CNBD1: variants seen among roughly 807,000 people sequenced by gnomAD.
CNBD1 encodes cyclic nucleotide-binding domain-containing protein 1.
Under a neutral mutation model 54.4 loss-of-function variants are expected in CNBD1, and 71 were observed. That is an observed-to-expected ratio of 1.30 (90% CI 1.08 to 1.59). CNBD1 has a LOEUF of 1.59. Among genes scored for constraint, CNBD1 ranks in the 40% most tolerant of loss-of-function variants. The pLI, the probability that CNBD1 is intolerant of heterozygous loss-of-function variation, is 0.00. For synonymous variants in CNBD1, 182 were observed against 170.7 expected, an observed-to-expected ratio of 1.07 and a Z score of -0.51; for missense variants, 659 against 518.0, an observed-to-expected ratio of 1.27 and a Z score of -2.64.
At chr8:87,305,334 A>G (rs1321475840) in intron 8 of CNBD1, among the ~76,000 whole-genome samples, 1 of 152,162 alleles carries the variant, frequency 6.6e-6, no homozygotes. Flanking sequence ...CATATTGCCA[A>G]AAACAATCTA....
At chr8:87,140,387 T>C (rs948384543) in intron 4 of CNBD1, among the ~76,000 whole-genome samples, 5 of 152,138 alleles carry the variant, frequency 3.3e-5, no homozygotes, top group African/African-American at 1.2e-4. Context: ...GTACTTCTCA[T>C]TTATTATTGT....
At chr8:87,415,742 CTA>C (rs1807823981) in intron 2 of CNBD1, among the ~76,000 whole-genome samples, 1 of 151,464 alleles carries the variant, frequency 6.6e-6, no homozygotes, top group African/African-American at 2.4e-5. Context: ...TCATAAAGGA[CTA>C]TGTTATTTAG....
At chr8:86,909,187 G>T (rs529747495) in intron 3 of CNBD1, among the ~76,000 whole-genome samples, 22 of 152,156 alleles carry the variant, frequency 1.4e-4, no homozygotes, top group African/African-American at 5.3e-4. Flanking sequence ...ATTACAGAAA[G>T]ATGGGCCATA....
chr8:86,995,436 A>G (rs1367606089), intron 4 of CNBD1, among the ~76,000 whole-genome samples: 1 of 152,258 alleles, frequency 6.6e-6, no homozygotes, highest in Non-Finnish European at 1.5e-5. Flanking sequence ...GTGGCTGGAT[A>G]TGGCCCATAG....
At chr8:87,114,512 G>A (rs1586265982) in intron 4 of CNBD1, among the ~76,000 whole-genome samples, 1 of 152,118 alleles carries the variant, frequency 6.6e-6, no homozygotes, top group South Asian at 2.1e-4. Context: ...CACCACACTC[G>A]GCTAATTTTT....
intron 8 of CNBD1, among the ~76,000 whole-genome samples, chr8:87,323,180 C>A (rs1218454180): frequency 1.5e-4 from 18 of 122,550 alleles, no homozygotes; most frequent in Admixed American, 2.4e-4. Flanking sequence ...GTTTTGGTAC[C>A]AGTACCATGC....
At chr8:87,344,131 T>C (rs188420689) in intron 8 of CNBD1, among the ~76,000 whole-genome samples, 116 of 152,228 alleles carry the variant, frequency 7.6e-4, no homozygotes, top group Non-Finnish European at 1.5e-3. Flanking sequence ...GAAAATTATC[T>C]GTACAAACAG....
At chr8:87,424,318 C>G (rs1389052112) in intron 2 of CNBD1, among the ~76,000 whole-genome samples, 1 of 152,042 alleles carries the variant, frequency 6.6e-6, no homozygotes, top group Non-Finnish European at 1.5e-5. Flanking sequence ...CTTCTGCTAG[C>G]TTTTGAATGT....
At chr8:87,127,691 G>A (rs1812021456) in intron 4 of CNBD1, among the ~76,000 whole-genome samples, 1 of 152,062 alleles carries the variant, frequency 6.6e-6, no homozygotes, top group African/African-American at 2.4e-5. Context: ...TGTTTAACAA[G>A]AGTGATGAGA....
chr8:87,350,695 A>T (rs13249174), intron 8 of CNBD1, among the ~76,000 whole-genome samples: 1 of 151,800 alleles, frequency 6.6e-6, no homozygotes, highest in African/African-American at 2.4e-5. Flanking sequence ...ATTATGATAA[A>T]GTTGTATATG....
chr8:87,055,434 C>A (rs566709784), intron 4 of CNBD1, among the ~76,000 whole-genome samples: 51 of 141,128 alleles, frequency 3.6e-4, no homozygotes, highest in Middle Eastern at 3.7e-3. Context: ...TTAGGTAAGT[C>A]CCCCCCTTCC....
chr8:86,985,071 G>A (rs538013998), intron 4 of CNBD1, among the ~76,000 whole-genome samples: 66 of 152,176 alleles, frequency 4.3e-4, no homozygotes, highest in African/African-American at 1.5e-3. Context: ...CAGGTCTTTC[G>A]TGTGCTTTAC....
intron 2 of CNBD1, among the ~76,000 whole-genome samples, chr8:87,408,956 G>C (rs1240058611): frequency 6.6e-6 from 1 of 151,902 alleles, no homozygotes; most frequent in Non-Finnish European, 1.5e-5. Context: ...TCAGACCTAC[G>C]TGTTCCCTAA....
intron 4 of CNBD1, among the ~76,000 whole-genome samples, chr8:87,042,060 A>G (rs1193899765): frequency 2.0e-5 from 3 of 152,280 alleles, no homozygotes; most frequent in Admixed American, 2.0e-4. Flanking sequence ...AGGATTTGCT[A>G]ATAAATTGAA....
At chr8:87,370,268 G>C (rs1490701952) in intron 10 of CNBD1, among the ~76,000 whole-genome samples, 1 of 152,002 alleles carries the variant, frequency 6.6e-6, no homozygotes, top group South Asian at 2.1e-4. Flanking sequence ...GGGTCAAATG[G>C]TATTTCTAGT....
rs1004500256 is a variant in CNBD1 at position 87,311,096 on chromosome 8, A to C, written c.1042+24425A>C. ...AATTGCAACAAAAACAAAAATTGAC[A>C]AGTGGGACCTAAATTAAACTAAAAA... On this transcript the variant is annotated intron_variant, in intron 8 of 10. Transcript: ENST00000518476. Among the ~76,000 whole-genome samples, 10 of 151,854 alleles carry C rather than the reference A, an allele frequency of 6.6e-5. No individual in the cohort carries two copies. In the East Asian group the frequency reaches 1.9e-3, roughly 29 times the overall value.
chr8:87,404,241 G>A (rs1286587040), intron 2 of CNBD1, among the ~76,000 whole-genome samples: 1 of 152,008 alleles, frequency 6.6e-6, no homozygotes, highest in Non-Finnish European at 1.5e-5. Context: ...GGAACAGCTT[G>A]TTTATGGCTC....
intron 8 of CNBD1, among the ~76,000 whole-genome samples, chr8:87,336,999 A>T (rs749678228): frequency 1.3e-5 from 2 of 152,036 alleles, no homozygotes; most frequent in East Asian, 3.9e-4. Context: ...TTCAGGTCCT[A>T]TTCATCTAGT....
chr8:87,310,634 T>G (rs545748183), intron 8 of CNBD1, among the ~76,000 whole-genome samples: 2 of 152,100 alleles, frequency 1.3e-5, no homozygotes, highest in African/African-American at 4.8e-5. Context: ...AATAAGCGAT[T>G]CTAAAATTTA....
Sources: allele counts gnomAD v4.1 joint callset (sites outside exome capture counted in the v4.1 genomes callset), GRCh38; gene constraint gnomAD v4.1.1; transcripts MANE v1.5; gene names NCBI Gene and HGNC (gene_info 2026-07-23, HGNC 2026-07-21).